B4GALNT4: variants seen among roughly 807,000 people sequenced by gnomAD.
B4GALNT4 encodes the protein beta-1,4-N-acetyl-galactosaminyltransferase 4.
Under a neutral mutation model 110.0 loss-of-function variants are expected in B4GALNT4, and 77 were observed. That is an observed-to-expected ratio of 0.70 (90% confidence interval 0.58 to 0.85). B4GALNT4 has a LOEUF of 0.85. Ranked by LOEUF, B4GALNT4 falls within the 40% of genes least tolerant of loss-of-function variation. The pLI is 0.00. For synonymous variants in B4GALNT4, 785 were observed against 655.5 expected (o/e 1.20, Z -3.02); for missense variants, 1,575 against 1,506.0 (o/e 1.05, Z -0.76).
At chr11:380,513 A>G in intron 18 of B4GALNT4, 68 bp downstream of exon 18, 1 of 1,525,632 alleles carries the variant, frequency 6.6e-7, no homozygotes, top group Non-Finnish European at 8.8e-7. Flanking sequence ...AAGTCCAGGA[A>G]CCCGGGGCCT....
Position 376,969 on chromosome 11 carries a change from T to C in B4GALNT4, c.1846T>C (p.Ser616Pro). 1 of 1,456,498 alleles carries C rather than the reference T, an allele frequency of 6.9e-7. No individual in the cohort carries two copies. The highest frequency in any genetic ancestry group is 3.0e-5 in the Admixed American group (1 of 33,846). 90.2% of individuals were successfully genotyped at this position (1,456,498 alleles called of 1,614,324 possible). ...TLGPAAPTVD[S>P]NLSSEARPVT... The stretch of plus-strand genomic sequence containing the variant: ...GGGACCTGCGGCGCCCACAGTGGAC[T>C]CAAACTTGTCCTCCGAAGCGCGGCC... Residue 616 changes from serine (S) to proline (P), a missense_variant, in exon 14 of 20, where the codon TCA becomes CCA. By Grantham distance (74) the Ser-to-Pro change is moderately conservative (BLOSUM62 -1). Coordinates refer to ENST00000329962, the MANE Select transcript of B4GALNT4 (RefSeq NM_178537.5).
rs199776401 is a variant in B4GALNT4 at position 376,338 on chromosome 11, C to T, written c.1284C>T (p.Phe428=). The part of the protein sequence containing the change: ...EDEVQRRAFL[F]LNPDDFLDDE... ...AGGTGCAGCGCCGAGCCTTCCTCTTCCTCAACCCGGACGGTGAGTGTCCGC... is the reference window on the plus strand; with the variant it reads ...AGGTGCAGCGCCGAGCCTTCCTCTTTCTCAACCCGGACGGTGAGTGTCCGC... The change falls in exon 13 of 20, where the codon TTC becomes TTT. Residue 428 remains phenylalanine (F), a synonymous_variant. Coordinates refer to ENST00000329962, the MANE Select transcript of B4GALNT4 (RefSeq NM_178537.5). The T allele has an allele frequency of 6.2e-6, 10 of 1,608,650 alleles. No individual in the cohort carries two copies. Among genetic ancestry groups the T allele is most frequent in the African/African-American group, 2.7e-5 (2 of 74,836 alleles).
In B4GALNT4 at chr11:379,925, C is replaced by T. The variant is rs1311621009; in HGVS notation, c.2548C>T (p.Arg850Cys). The T allele has an allele frequency of 1.9e-6, 3 of 1,611,012 alleles. No individual in the cohort carries two copies. Among genetic ancestry groups the T allele is most frequent in the Non-Finnish European group, 2.5e-6 (3 of 1,179,806 alleles). ...GGCGGACATGGCTGCGCTGCACGCG[C>T]GCACCGGGGACTCGCGTTTCAGCGT... Reference protein sequence around the residue: ...FLADMAALHARTGDSRFSVVL... With the variant: ...FLADMAALHACTGDSRFSVVL... Residue 850 changes from arginine to cysteine, a missense_variant, in exon 16 of 20, where the codon CGC (arginine) becomes TGC (cysteine). Arg to Cys is a radical substitution (Grantham distance 180). Coordinates refer to ENST00000329962, the MANE Select transcript of B4GALNT4 (RefSeq NM_178537.5).
At position 377,023 on chromosome 11, in the gene B4GALNT4, G is replaced by C. The variant is rs368506284; in HGVS notation, c.1900G>C (p.Val634Leu). Reference sequence around the variant, plus strand: ...GACCTCCTTCCTGAGCTTGTCCCAGGTGTCCGGGCCGCAGCTGCCCGGGGA... The same window carrying C: ...GACCTCCTTCCTGAGCTTGTCCCAGCTGTCCGGGCCGCAGCTGCCCGGGGA... ...PVTSFLSLSQ[V>L]SGPQLPGEGE... The change falls in exon 14 of 20, where the codon GTG (valine) becomes CTG (leucine). Residue 634 changes from valine (V) to leucine (L), a missense_variant. Coordinates refer to ENST00000329962, the MANE Select transcript of B4GALNT4 (RefSeq NM_178537.5). 6.9e-7 allele frequency: 1 copy of C among 1,442,256 alleles called. No homozygotes were observed. Among genetic ancestry groups the C allele is most frequent in the Non-Finnish European group, 9.1e-7 (1 of 1,100,844 alleles). The allele number at this position is 1,442,256 out of a possible 1,614,324, so 89.3% of individuals were successfully genotyped here. A position where few individuals can be genotyped will look rare whatever the true frequency, so the allele number is the denominator to read the frequency against.
chr11:375,141 AGG>A, intron 8 of B4GALNT4, among the ~76,000 whole-genome samples: 1 of 21,652 alleles, frequency 4.6e-5, no homozygotes, highest in African/African-American at 2.6e-4. Flanking sequence ...GGGAGGAGGA[AGG>A]GAGGGAGGAG....
intron 6 of B4GALNT4, 30 bp from the exon 7 acceptor site, chr11:373,419 C>CCCCCCGCCA (rs10624593): frequency 2.5e-5 from 27 of 1,084,196 alleles, no homozygotes; most frequent in African/African-American, 6.5e-5. Context: ...CCCCCCCCCC[C>CCCCCCGCCA]ACCACCACCC....
intron 6 of B4GALNT4, 58 bp from the exon 7 acceptor site, chr11:373,391 C>A: frequency 6.5e-7 from 1 of 1,533,384 alleles, no homozygotes; most frequent in Non-Finnish European, 8.9e-7. Flanking sequence ...GGTTTGGTGT[C>A]CCCAGGGAGA....
At chr11:373,717 G>A in intron 7 of B4GALNT4, 33 bp from the exon 8 acceptor site, 1 of 1,608,012 alleles carries the variant, frequency 6.2e-7, no homozygotes, top group South Asian at 1.1e-5. Flanking sequence ...AGCGTCCTGT[G>A]CATGGCACGA....
In B4GALNT4 at chr11:376,111, G is replaced by A; in HGVS notation, c.1133G>A (p.Arg378His). 6.7e-7 allele frequency: 1 copy of A among 1,485,914 alleles called. No individual in the cohort carries two copies. The highest frequency in any genetic ancestry group is 9.1e-7 in the Non-Finnish European group (1 of 1,104,446). 92.0% of individuals were successfully genotyped at this position (1,485,914 alleles called of 1,614,324 possible). A position where few individuals can be genotyped will look rare whatever the true frequency, so the allele number is the denominator to read the frequency against. The change falls in exon 12 of 20, where the codon CGC (arginine) becomes CAC (histidine). Residue 378 changes from arginine to histidine, a missense_variant. By Grantham distance (29) the Arg-to-His change is conservative (BLOSUM62 0). Transcript: ENST00000329962. ...TTCGTTTATCCCAACGACTACACTC[G>A]CCTCACCCACATGGAGACGGACAAC... The part of the protein sequence containing the change: ...LSFVYPNDYT[R>H]LTHMETDNKC...
At chr11:377,353 A>G in intron 14 of B4GALNT4, 26 bp downstream of exon 14, 15 of 1,475,754 alleles carry the variant, frequency 1.0e-5, no homozygotes, top group Middle Eastern at 1.9e-4. Context: ...AACGCGCGCC[A>G]GGGCGGTTTT....
At chr11:372,456 C>A (rs7482311) in intron 2 of B4GALNT4, among the ~76,000 whole-genome samples, 5 of 151,828 alleles carry the variant, frequency 3.3e-5, no homozygotes, top group African/African-American at 9.7e-5. Flanking sequence ...GTGGGGTGGC[C>A]AAGCATCTGC....
intron 14 of B4GALNT4, among the ~76,000 whole-genome samples, chr11:378,227 G>A (rs187561973): frequency 7.2e-5 from 11 of 152,328 alleles, no homozygotes; most frequent in Admixed American, 4.6e-4. Flanking sequence ...GGAAGGTTGC[G>A]AGCAGAGCAG....
At chr11:377,693 G>A in intron 14 of B4GALNT4, among the ~76,000 whole-genome samples, 1 of 152,282 alleles carries the variant, frequency 6.6e-6, no homozygotes, top group African/African-American at 2.4e-5. Context: ...GCCCCATTCC[G>A]GGGGGGCCAG....
At position 376,564 on chromosome 11, in the gene B4GALNT4, C is replaced by T; in HGVS notation, c.1441C>T (p.Arg481Cys). The T allele has an allele frequency of 7.4e-7, 1 of 1,359,188 alleles. No individual in the cohort carries two copies. Among genetic ancestry groups the T allele is most frequent in the Non-Finnish European group, 9.4e-7 (1 of 1,065,062 alleles). The allele number at this position is 1,359,188 out of a possible 1,614,324, so 84.2% of individuals were successfully genotyped here. A position where few individuals can be genotyped will look rare whatever the true frequency, so the allele number is the denominator to read the frequency against. The change falls in exon 14 of 20, where the codon CGC (arginine) becomes TGC (cysteine). Residue 481 changes from arginine to cysteine, a missense_variant. Physicochemically the swap from Arg to Cys is radical, Grantham distance 180 (BLOSUM62 -3). Transcript: ENST00000329962. ...CACCCTCGCCCCGCCGACCCCTCCC[C>T]GCCCCCGGGACGGGGGGACCCCCAG... Reference protein sequence around the residue: ...GATLAPPTPPRPRDGGTPRHS... With the variant: ...GATLAPPTPPCPRDGGTPRHS...
intron 5 of B4GALNT4, 30 bp from the exon 6 acceptor site, chr11:373,161 C>T (rs775187167): frequency 3.1e-6 from 5 of 1,612,014 alleles, no homozygotes; most frequent in South Asian, 1.1e-5. Flanking sequence ...CGTGAGGCTC[C>T]ACCCCCCTGA....
chr11:380,989 C>T (rs1344676541), intron 19 of B4GALNT4, 38 bp downstream of exon 19: 8 of 1,593,904 alleles, frequency 5.0e-6, no homozygotes, highest in African/African-American at 2.7e-5. Context: ...GACACCCTGA[C>T]CCCTGCGTCC....
At chr11:380,675 A>T in intron 18 of B4GALNT4, 150 bp from the exon 19 acceptor site, 1 of 1,387,936 alleles carries the variant, frequency 7.2e-7, no homozygotes, top group South Asian at 1.2e-5. Context: ...CTCCAGGGTC[A>T]TGACCCAGTA....
intron 8 of B4GALNT4, among the ~76,000 whole-genome samples, 153 bp downstream of exon 8, chr11:373,981 G>A (rs1386740032): frequency 1.3e-5 from 2 of 152,186 alleles, no homozygotes; most frequent in African/African-American, 4.8e-5. Flanking sequence ...GCCCTCCTGG[G>A]GGGCTCGGTG....
intron 17 of B4GALNT4, 44 bp downstream of exon 17, chr11:380,246 C>T (rs1035224614): frequency 2.5e-6 from 4 of 1,608,822 alleles, no homozygotes; most frequent in Non-Finnish European, 3.4e-6. Flanking sequence ...CGGGGCGTGC[C>T]CGGGGAGGAG....
Sources: gnomAD v4.1 joint callset for allele counts (sites outside exome capture counted in the v4.1 genomes callset) on GRCh38, gnomAD v4.1.1 for gene constraint, MANE v1.5 for transcripts, NCBI Gene and HGNC (gene_info 2026-07-23, HGNC 2026-07-21) for gene names.